Variants in COL4A3 observed in about 807,000 individuals in gnomAD.
COL4A3 encodes the protein collagen alpha-3(IV) chain.
Under a neutral mutation model 217.4 loss-of-function variants are expected in COL4A3, and 135 were observed. The observed-to-expected ratio is 0.62, with a 90% CI of 0.54 to 0.72. The LOEUF (loss-of-function observed/expected upper bound fraction) is 0.72, where lower values mean the gene tolerates loss of function less well. Among genes scored for constraint, COL4A3 ranks in the 30% least tolerant of loss-of-function variants. The probability of loss-of-function intolerance (pLI) is 0.00; values close to 1 mark genes in which losing one functional copy is unlikely to be tolerated. For synonymous variants in COL4A3, 690 were observed against 736.3 expected (o/e 0.94, Z 1.02); for missense variants, 1,868 against 2,119.9 (o/e 0.88, Z 2.33).
chr2:227,177,602 A>G (rs78324239), intron 1 of COL4A3, among the ~76,000 whole-genome samples: 5,310 of 152,132 alleles, frequency 0.035, 158 homozygotes, highest in Admixed American at 0.079. Context: ...CTTATCTGCT[A>G]TTTTGCTATT....
rs1399992639 is a variant in COL4A3, at chr2:227,191,344, T to G, written c.87+26531T>G. 6.6e-6 allele frequency among the ~76,000 whole-genome samples: 1 copy of G among 152,202 alleles called. No homozygotes were observed. The highest frequency in any genetic ancestry group is 1.9e-4 in the East Asian group (1 of 5,194). ...TGTTGGCATATACAAAAGACCTATT[T>G]TCTGAATTCAGACTTTAGGCAAAAA... On this transcript the variant is annotated intron_variant, in intron 1 of 51. Coordinates refer to ENST00000396578, the MANE Select transcript of COL4A3 (RefSeq NM_000091.5). The surrounding 1 kb of genome is among the most constrained non-coding windows in gnomAD (Gnocchi z 6.8).
chr2:227,259,413 A>G (rs145727221), intron 18 of COL4A3: 1 of 169,890 alleles, frequency 5.9e-6, no homozygotes, highest in African/African-American at 2.4e-5. Context: ...AATAAAAAGT[A>G]TCAGGGTTGA....
intron 1 of COL4A3, among the ~76,000 whole-genome samples, chr2:227,167,428 C>T (rs138701040): frequency 1.3e-5 from 2 of 152,330 alleles, no homozygotes; most frequent in East Asian, 3.9e-4. Flanking sequence ...GCTGTCAGGG[C>T]CCAGCTCACC....
intron 1 of COL4A3, among the ~76,000 whole-genome samples, chr2:227,225,147 C>G (rs1357931659): frequency 6.6e-6 from 1 of 152,210 alleles, no homozygotes; most frequent in Admixed American, 6.5e-5. Flanking sequence ...CTCAAGTAAT[C>G]CTCCCACCTT....
chr2:227,200,857 T>A (rs953337146), intron 1 of COL4A3, among the ~76,000 whole-genome samples: 1 of 152,212 alleles, frequency 6.6e-6, no homozygotes. Flanking sequence ...TCAATTACAA[T>A]GAAATGTTCA....
chr2:227,277,219 T>A (rs995677280), intron 27 of COL4A3, among the ~76,000 whole-genome samples: 1 of 150,962 alleles, frequency 6.6e-6, no homozygotes, highest in Non-Finnish European at 1.5e-5. Context: ...CTCGGGAGGC[T>A]GAGGCGGGAG....
chr2:227,264,091 C>A, intron 21 of COL4A3, 147 bp downstream of exon 21: 1 of 902,850 alleles, frequency 1.1e-6, no homozygotes. Context: ...ATTTCACTAA[C>A]TGTCTGTGAA....
In COL4A3 at chr2:227,246,682, T is replaced by G; in HGVS notation, c.388-3T>G. 1 of 1,610,626 alleles carries G rather than the reference T, an allele frequency of 6.2e-7. No individual in the cohort carries two copies. The highest frequency in any genetic ancestry group is 8.5e-7 in the Non-Finnish European group (1 of 1,177,026). ...ATAATAAGAAACTTTGTATGTCTTT[T>G]AGGGTGAGCAGGGGTTTCCAGGACT... On this transcript the variant is annotated splice_polypyrimidine_tract_variant and splice_region_variant and intron_variant, in intron 6 of 51. Coordinates refer to ENST00000396578, the MANE Select transcript of COL4A3 (RefSeq NM_000091.5).
chr2:227,209,335 C>A (rs1224941801), intron 1 of COL4A3, among the ~76,000 whole-genome samples: 4 of 152,264 alleles, frequency 2.6e-5, no homozygotes, highest in Admixed American at 1.3e-4. Context: ...TCCAGCCAGA[C>A]TGGCCCAGTG....
chr2:227,206,091 C>T (rs995313075), intron 1 of COL4A3, among the ~76,000 whole-genome samples: 2 of 150,728 alleles, frequency 1.3e-5, no homozygotes, highest in South Asian at 2.1e-4. Context: ...TTTTTTTTTT[C>T]GAGATGGAGT....
intron 44 of COL4A3, 51 bp from the exon 45 acceptor site, chr2:227,303,808 G>A (rs780725998): frequency 9.0e-6 from 14 of 1,559,302 alleles, no homozygotes; most frequent in Middle Eastern, 1.7e-4. Context: ...TGAAGAACTA[G>A]GAAACCCATT....
intron 24 of COL4A3, 74 bp from the exon 25 acceptor site, chr2:227,270,696 C>T: frequency 6.8e-7 from 1 of 1,460,832 alleles, no homozygotes. Flanking sequence ...AGTTCTTGTC[C>T]ACACTGTTTT....
At chr2:227,288,182 C>T (rs1196785437) in intron 34 of COL4A3, among the ~76,000 whole-genome samples, 1 of 151,452 alleles carries the variant, frequency 6.6e-6, no homozygotes, top group African/African-American at 2.4e-5. Context: ...CTGCAACCTC[C>T]GCCTCCTAGG....
chr2:227,294,814 T>C (rs754116852), intron 39 of COL4A3, 150 bp from the exon 40 acceptor site: 68 of 737,448 alleles, frequency 9.2e-5, no homozygotes, highest in Non-Finnish European at 1.5e-4. Flanking sequence ...CCTGGGAACA[T>C]AGCTTCACAT....
intron 1 of COL4A3, among the ~76,000 whole-genome samples, chr2:227,237,092 G>A (rs1327669834): frequency 6.6e-6 from 1 of 152,204 alleles, no homozygotes; most frequent in South Asian, 2.1e-4. Context: ...GGGTAAGTGT[G>A]TCACAGTGAC....
At chr2:227,245,506 A>T (rs1452148166) in intron 5 of COL4A3, among the ~76,000 whole-genome samples, 1 of 152,182 alleles carries the variant, frequency 6.6e-6, no homozygotes, top group Non-Finnish European at 1.5e-5. Context: ...TGGTATTCAT[A>T]GGGGTCCTGG....
rs1354479384 is a variant in COL4A3 at position 227,250,539 on chromosome 2, T to G, written c.547-601T>G. Among the ~76,000 whole-genome samples the G allele has an allele frequency of 1.3e-5, 2 of 152,034 alleles. No individual in the cohort carries two copies. Among genetic ancestry groups the G allele is most frequent in the African/African-American group, 4.8e-5 (2 of 41,374 alleles). Reference sequence around the variant, plus strand: ...TCTTAAAATATATATATATATTGCCTTCATAGAGCTTACATTCTCATGGGG... The same window carrying G: ...TCTTAAAATATATATATATATTGCCGTCATAGAGCTTACATTCTCATGGGG... On this transcript the variant is annotated intron_variant, in intron 9 of 51. Transcript: ENST00000396578. The surrounding 1 kb of genome is among the most constrained non-coding windows in gnomAD (Gnocchi z 4.1).
Position 227,297,672 on chromosome 2 carries a change from AG to A in COL4A3, c.3566del. On this transcript the variant is annotated splice_acceptor_variant, in intron 41 of 51. Transcript: ENST00000396578. LOFTEE classifies it high-confidence loss of function. ...AAACTTATTAAGCCTTCTTCTTTGC[AG>A]GAGCCAAAGGAGACAGGGGAGCCCC... 1 of 1,605,258 alleles carries A rather than the reference AG, an allele frequency of 6.2e-7. No homozygotes were observed. Among genetic ancestry groups the A allele is most frequent in the Non-Finnish European group, 8.5e-7 (1 of 1,176,700 alleles).
At chr2:227,244,209 C>T in intron 3 of COL4A3, 111 bp from the exon 4 acceptor site, 1 of 829,938 alleles carries the variant, frequency 1.2e-6, no homozygotes, top group South Asian at 1.4e-5. Flanking sequence ...ATGAAATAAT[C>T]AGAAGGGCAA....
Sources: gnomAD v4.1 joint callset for allele counts (sites outside exome capture counted in the v4.1 genomes callset) on GRCh38, gnomAD v4.1.1 for gene constraint, Gnocchi (gnomAD v3.1) non-coding constraint, MANE v1.5 for transcripts, NCBI Gene and HGNC (gene_info 2026-07-23, HGNC 2026-07-21) for gene names.